Variants in AXDND1 observed in about 807,000 individuals in gnomAD.
The protein encoded by AXDND1 is axonemal dynein light chain domain-containing protein 1.
AXDND1 carries 110 observed loss-of-function variants against 137.5 expected under a neutral mutation model. The ratio of observed to expected loss-of-function variants is 0.80; its 90% CI spans 0.69 to 0.94. The LOEUF (loss-of-function observed/expected upper bound fraction) is 0.94, where lower values mean the gene tolerates loss of function less well. Ranked by LOEUF, AXDND1 falls within the 40% of genes least tolerant of loss-of-function variation. The pLI is 0.00. For missense variants in AXDND1, 1,191 were observed against 1,169.8 expected (o/e 1.02, Z -0.26); for synonymous variants, 414 against 399.7 (o/e 1.04, Z -0.43).
chr1:179,496,955 A>T (rs576083124), intron 20 of AXDND1, among the ~76,000 whole-genome samples: 2 of 152,008 alleles, frequency 1.3e-5, no homozygotes, highest in Non-Finnish European at 2.9e-5. Context: ...TCGTTCATCC[A>T]TGGGTTATTT....
intron 16 of AXDND1, chr1:179,456,289 G>A: frequency 1.3e-6 from 1 of 742,202 alleles, no homozygotes; most frequent in Admixed American, 1.7e-5. Flanking sequence ...TGGTTTTGTG[G>A]TTTGACGAAG....
At chr1:179,434,287 T>G (rs1251280364) in intron 15 of AXDND1, among the ~76,000 whole-genome samples, 3 of 152,064 alleles carry the variant, frequency 2.0e-5, no homozygotes, top group Admixed American at 2.0e-4. Flanking sequence ...AGAGGAGCTG[T>G]TACCATTTCT....
rs186842033 is a variant in AXDND1, at chr1:179,441,881, C to T, written c.1564-3089C>T. ...CAATTTAAATTCCATATCAGATATGCGCTAGCAGACAAGCAAGTTCACGCC... is the reference window on the plus strand; with the variant it reads ...CAATTTAAATTCCATATCAGATATGTGCTAGCAGACAAGCAAGTTCACGCC... On this transcript the variant is annotated intron_variant, in intron 15 of 25. Transcript: ENST00000367618. Among the ~76,000 whole-genome samples, 15 of 152,332 alleles carry T rather than the reference C, an allele frequency of 9.8e-5. No individual in the cohort carries two copies. The East Asian group carries it at 2.7e-3, about 27-fold the overall frequency.
chr1:179,532,087 C>T (rs898430463), intron 23 of AXDND1, among the ~76,000 whole-genome samples: 2 of 152,302 alleles, frequency 1.3e-5, no homozygotes, highest in African/African-American at 4.8e-5. Flanking sequence ...AGCCCCACAA[C>T]CAGCATTTCA....
At chr1:179,491,801 A>G (rs1298146102) in intron 19 of AXDND1, 64 bp downstream of exon 19, 19 of 1,348,142 alleles carry the variant, frequency 1.4e-5, no homozygotes, top group Middle Eastern at 1.9e-4. Context: ...CAGAGAAGAG[A>G]CAGTGAAGTA....
At chr1:179,402,015 T>C (rs111657765) in intron 11 of AXDND1, among the ~76,000 whole-genome samples, 3,280 of 152,006 alleles carry the variant, frequency 0.022, 98 homozygotes, top group African/African-American at 0.073. Context: ...CTACTAAAAA[T>C]ACAAAAATTA....
chr1:179,490,017 T>A (rs578246077), intron 18 of AXDND1, among the ~76,000 whole-genome samples: 3 of 152,330 alleles, frequency 2.0e-5, no homozygotes, highest in African/African-American at 7.2e-5. Context: ...GTGCTGAGAT[T>A]ACAGGCGTGA....
At chr1:179,496,756 C>T (rs1558269094) in intron 20 of AXDND1, among the ~76,000 whole-genome samples, 1 of 151,896 alleles carries the variant, frequency 6.6e-6, no homozygotes, top group Non-Finnish European at 1.5e-5. Flanking sequence ...TTAATTTGCT[C>T]TTCATTTTCT....
intron 20 of AXDND1, among the ~76,000 whole-genome samples, chr1:179,502,590 T>G: frequency 7.2e-6 from 1 of 139,708 alleles, no homozygotes; most frequent in African/African-American, 2.6e-5. Context: ...AAAAAAGAAA[T>G]TGCAAAGTCT....
At chr1:179,548,941 A>AC (rs1558332785) in intron 25 of AXDND1, 1 of 152,176 alleles carries the variant, frequency 6.6e-6, no homozygotes, top group Non-Finnish European at 1.5e-5. Flanking sequence ...GTCTGAATAC[A>AC]CCAATGCCAC....
In AXDND1 at chr1:179,415,847, T is replaced by G. The variant is rs1571726821; in HGVS notation, c.1230+4581T>G. Among the ~76,000 whole-genome samples, 8 of 152,242 alleles carry G rather than the reference T, an allele frequency of 5.3e-5. No homozygotes were observed. In the South Asian group the frequency reaches 1.7e-3, roughly 32 times the overall value. The stretch of plus-strand genomic sequence containing the variant: ...AGCCTCCCGAGTAGCAGGGTACATC[T>G]TATAATTTAATGCATTCATGTAGTT... On this transcript the variant is annotated intron_variant, in intron 12 of 25. Coordinates refer to ENST00000367618, the MANE Select transcript of AXDND1 (RefSeq NM_144696.6).
intron 8 of AXDND1, among the ~76,000 whole-genome samples, 159 bp from the exon 9 acceptor site, chr1:179,385,079 A>T (rs1648986984): frequency 6.6e-6 from 1 of 152,224 alleles, no homozygotes; most frequent in Non-Finnish European, 1.5e-5. Context: ...AGCATTTAAA[A>T]ATCAAATATC....
At chr1:179,414,609 TAG>T (rs1479327166) in intron 12 of AXDND1, among the ~76,000 whole-genome samples, 1 of 151,992 alleles carries the variant, frequency 6.6e-6, no homozygotes, top group African/African-American at 2.4e-5. Flanking sequence ...GTATTTTTAG[TAG>T]AGAGGGGGTT....
At chr1:179,422,106 A>G (rs1655839883) in intron 12 of AXDND1, among the ~76,000 whole-genome samples, 1 of 150,776 alleles carries the variant, frequency 6.6e-6, no homozygotes, top group Non-Finnish European at 1.5e-5. Flanking sequence ...TATTGTCTCA[A>G]TTTTATTTAT....
chr1:179,419,084 C>T (rs1214799367), intron 12 of AXDND1, among the ~76,000 whole-genome samples: 5 of 151,822 alleles, frequency 3.3e-5, no homozygotes, highest in Non-Finnish European at 5.9e-5. Context: ...GCCCCCCTCA[C>T]TTCCTAGATG....
intron 25 of AXDND1, chr1:179,543,993 A>G (rs571566896): frequency 1.3e-5 from 2 of 152,762 alleles, no homozygotes; most frequent in South Asian, 2.1e-4. Flanking sequence ...ACTACATCCA[A>G]TGACAAAACA....
intron 12 of AXDND1, among the ~76,000 whole-genome samples, chr1:179,416,043 T>A (rs1285834578): frequency 6.6e-6 from 1 of 152,196 alleles, no homozygotes; most frequent in Non-Finnish European, 1.5e-5. Context: ...TTATTTCTTC[T>A]GTTAAATCAT....
At position 179,476,033 on chromosome 1, in the gene AXDND1, G is replaced by A. The variant is rs186430026; in HGVS notation, c.1998-7095G>A. Among the ~76,000 whole-genome samples the A allele has an allele frequency of 1.0e-3, 159 of 152,258 alleles. 1 individual carries two copies. The highest frequency in any genetic ancestry group is 3.4e-3 in the Middle Eastern group (1 of 294). ...ACTTCTCTTTTTCCTGCTGCCTTGTGAAGAGGTACTTGCTTTTCCTTCCCC... is the reference window on the plus strand; with the variant it reads ...ACTTCTCTTTTTCCTGCTGCCTTGTAAAGAGGTACTTGCTTTTCCTTCCCC... On this transcript the variant is annotated intron_variant, in intron 17 of 25. Coordinates refer to ENST00000367618, the MANE Select transcript of AXDND1 (RefSeq NM_144696.6).
intron 13 of AXDND1, 45 bp downstream of exon 13, chr1:179,429,664 T>A: frequency 1.7e-6 from 2 of 1,209,480 alleles, no homozygotes; most frequent in Non-Finnish European, 2.3e-6. Context: ...AGATGCCAAG[T>A]GGTGAGGGTT....
Sources: allele counts gnomAD v4.1 joint callset (sites outside exome capture counted in the v4.1 genomes callset), GRCh38; gene constraint gnomAD v4.1.1; transcripts MANE v1.5; gene names NCBI Gene and HGNC (gene_info 2026-07-23, HGNC 2026-07-21).